KCNQ5: variants seen among roughly 807,000 people sequenced by gnomAD.
KCNQ5 encodes potassium voltage-gated channel subfamily KQT member 5.
A neutral mutation model predicts 98.2 loss-of-function variants in KCNQ5; 30 were observed. That is an observed-to-expected ratio of 0.31 (90% CI 0.23 to 0.41). KCNQ5 has a LOEUF of 0.41. KCNQ5 is among the 10% of genes least tolerant of loss of function. The pLI is 1.00. For synonymous variants in KCNQ5, 458 were observed against 449.4 expected, an observed-to-expected ratio of 1.02 and a Z score of -0.24; for missense variants, 835 against 1,182.5, an observed-to-expected ratio of 0.71 and a Z score of 4.31.
intron 1 of KCNQ5, among the ~76,000 whole-genome samples, chr6:73,003,227 G>A (rs1769667304): frequency 6.6e-6 from 1 of 152,120 alleles, no homozygotes; most frequent in Non-Finnish European, 1.5e-5. Flanking sequence ...GACAATGCCT[G>A]ATCCTGAATT....
At chr6:73,135,807 A>G (rs925926237) in intron 10 of KCNQ5, 4 of 152,244 alleles carry the variant, frequency 2.6e-5, no homozygotes, top group African/African-American at 9.6e-5. Flanking sequence ...TTAAGGTGTC[A>G]GCAGGGTTGG....
rs150419356 is a variant in KCNQ5, at chr6:72,726,903, G to T, written c.398+104316G>T. ...GTCACCCAGGTTGCAGCGCAGTGGC[G>T]TGATCAAAGCTCACTGCAGCCTTAA... On this transcript the variant is annotated intron_variant, in intron 1 of 13. Transcript: ENST00000370398. Among the ~76,000 whole-genome samples, 28 of 152,094 alleles carry T rather than the reference G, an allele frequency of 1.8e-4. 1 individual carries two copies. Among genetic ancestry groups the T allele is most frequent in the Admixed American group, 1.7e-3 (26 of 15,270 alleles).
At position 72,622,202 on chromosome 6, in the gene KCNQ5, C is replaced by A; in HGVS notation, c.13C>A (p.His5Asn). 1 of 1,226,092 alleles carries A rather than the reference C, an allele frequency of 8.2e-7. No homozygotes were observed. The highest frequency in any genetic ancestry group is 1.0e-6 in the Non-Finnish European group (1 of 984,584). The allele number at this position is 1,226,092 out of a possible 1,614,324, so 76.0% of individuals were successfully genotyped here. The part of the protein sequence containing the change: MPRH[H>N]AGGEEGGAAG... ...CCGTGGTGATGCCATGCCCCGCCAC[C>A]ACGCGGGAGGAGAGGAGGGCGGCGC... is the stretch of plus-strand genomic sequence containing the variant. The change falls in exon 1 of 14, where the codon CAC becomes AAC. Residue 5 changes from histidine (H) to asparagine (N), a missense_variant. By Grantham distance (68) the His-to-Asn change is moderately conservative. Coordinates refer to ENST00000370398, the MANE Select transcript of KCNQ5 (RefSeq NM_019842.4). This position sits in a 1 kb window ranked among gnomAD's most constrained non-coding sequence, Gnocchi z 6.0.
intron 1 of KCNQ5, among the ~76,000 whole-genome samples, chr6:72,896,099 A>G (rs1359081656): frequency 6.6e-6 from 1 of 152,222 alleles, no homozygotes; most frequent in Non-Finnish European, 1.5e-5. Context: ...TAACAAAGTT[A>G]TGTACAAATT....
intron 3 of KCNQ5, among the ~76,000 whole-genome samples, chr6:73,047,465 T>C (rs535342821): frequency 2.0e-5 from 3 of 152,316 alleles, no homozygotes; most frequent in South Asian, 4.1e-4. Flanking sequence ...TTCAAATGTT[T>C]TTTAACATTA....
intron 7 of KCNQ5, among the ~76,000 whole-genome samples, chr6:73,115,748 C>G (rs1349491293): frequency 6.6e-6 from 1 of 152,164 alleles, no homozygotes; most frequent in Admixed American, 6.5e-5. Flanking sequence ...TACCATTTAC[C>G]TTTACTCAAG....
In KCNQ5 at chr6:72,959,209, C is replaced by T. The variant is rs532580079; in HGVS notation, c.399-44699C>T. Among the ~76,000 whole-genome samples, 66 of 152,280 alleles carry T rather than the reference C, an allele frequency of 4.3e-4. No individual in the cohort carries two copies. The South Asian group carries it at 7.9e-3, about 18-fold the overall frequency. ...CTTTCAGGCTAGGCCTGGACAATAACGACCCTGCAAATCAGAGCTAGAATT... is the reference window on the plus strand; with the variant it reads ...CTTTCAGGCTAGGCCTGGACAATAATGACCCTGCAAATCAGAGCTAGAATT... On this transcript the variant is annotated intron_variant, in intron 1 of 13. Coordinates refer to ENST00000370398, the MANE Select transcript of KCNQ5 (RefSeq NM_019842.4).
At chr6:73,063,590 G>A (rs1390865025) in intron 3 of KCNQ5, among the ~76,000 whole-genome samples, 2 of 151,892 alleles carry the variant, frequency 1.3e-5, no homozygotes, top group African/African-American at 4.8e-5. Context: ...GTAAAGATGG[G>A]AGTTAGATGC....
At chr6:72,836,877 G>C (rs553657529) in intron 1 of KCNQ5, among the ~76,000 whole-genome samples, 2 of 152,222 alleles carry the variant, frequency 1.3e-5, no homozygotes, top group South Asian at 4.1e-4. Flanking sequence ...CCCACCCTCT[G>C]TCTTTTGATA....
chr6:72,931,188 C>T (rs1765677757), intron 1 of KCNQ5, among the ~76,000 whole-genome samples: 1 of 152,058 alleles, frequency 6.6e-6, no homozygotes, highest in African/African-American at 2.4e-5. Context: ...TTTATATAGA[C>T]AAAGAACTTC....
intron 1 of KCNQ5, among the ~76,000 whole-genome samples, chr6:72,736,489 TA>T (rs1171140736): frequency 6.9e-6 from 1 of 145,074 alleles, no homozygotes; most frequent in Non-Finnish European, 1.5e-5. Context: ...TGCTTACATG[TA>T]AAAAAAGATT....
intron 1 of KCNQ5, among the ~76,000 whole-genome samples, chr6:72,922,667 T>C (rs1483788249): frequency 6.6e-6 from 1 of 152,138 alleles, no homozygotes; most frequent in Admixed American, 6.6e-5. Flanking sequence ...GTATTTGCTT[T>C]CTATGCCTGG....
intron 3 of KCNQ5, among the ~76,000 whole-genome samples, chr6:73,046,990 A>T (rs1771996385): frequency 6.6e-6 from 1 of 152,172 alleles, no homozygotes. Flanking sequence ...AAGACTGAAG[A>T]CTTTATAGAT....
intron 1 of KCNQ5, among the ~76,000 whole-genome samples, chr6:72,985,735 G>C (rs1225797909): frequency 6.6e-6 from 1 of 152,126 alleles, no homozygotes; most frequent in East Asian, 1.9e-4. Context: ...CAACTACTTT[G>C]GAAAGCAGTT....
intron 1 of KCNQ5, among the ~76,000 whole-genome samples, chr6:72,935,006 C>T (rs1173721974): frequency 6.6e-6 from 1 of 151,906 alleles, no homozygotes; most frequent in Non-Finnish European, 1.5e-5. Context: ...TGCAATGAAT[C>T]CGCTTTCTCA....
At chr6:72,941,248 C>G (rs1442610174) in intron 1 of KCNQ5, among the ~76,000 whole-genome samples, 4 of 151,822 alleles carry the variant, frequency 2.6e-5, no homozygotes, top group Non-Finnish European at 1.5e-5. Flanking sequence ...ATGGGTGTTG[C>G]CTAACCTGGC....
chr6:72,945,306 C>T (rs111696505), intron 1 of KCNQ5, among the ~76,000 whole-genome samples: 2 of 151,642 alleles, frequency 1.3e-5, no homozygotes, highest in Admixed American at 1.3e-4. Context: ...ACAACGTGCA[C>T]GTTAGTTACA....
At chr6:72,664,763 G>A (rs1766712154) in intron 1 of KCNQ5, among the ~76,000 whole-genome samples, 1 of 152,150 alleles carries the variant, frequency 6.6e-6, no homozygotes, top group South Asian at 2.1e-4. Context: ...GTTTGAGAAA[G>A]TAATATCATC....
chr6:72,951,309 C>T (rs1461486989), intron 1 of KCNQ5, among the ~76,000 whole-genome samples: 1 of 152,104 alleles, frequency 6.6e-6, no homozygotes, highest in African/African-American at 2.4e-5. Flanking sequence ...CGGAGTCTTG[C>T]TCTGTCGACC....
Sources: gnomAD v4.1 joint callset for allele counts (sites outside exome capture counted in the v4.1 genomes callset) on GRCh38, gnomAD v4.1.1 for gene constraint, Gnocchi (gnomAD v3.1) non-coding constraint, MANE v1.5 for transcripts, NCBI Gene and HGNC (gene_info 2026-07-23, HGNC 2026-07-21) for gene names.